Variants in PTPRC observed in about 807,000 individuals in gnomAD.
The protein encoded by PTPRC is protein tyrosine phosphatase receptor type C, also known as receptor-type tyrosine-protein phosphatase C.
Under a neutral mutation model 155.9 loss-of-function variants are expected in PTPRC, and 44 were observed. The ratio of observed to expected loss-of-function variants is 0.28; its 90% confidence interval spans 0.22 to 0.36. PTPRC has a LOEUF of 0.36. Among genes scored for constraint, PTPRC ranks in the 10% least tolerant of loss-of-function variants. The pLI is 1.00. For missense variants in PTPRC, 1,401 were observed against 1,564.6 expected, an observed-to-expected ratio of 0.90 and a Z score of 1.76; for synonymous variants, 525 against 533.1, an observed-to-expected ratio of 0.98 and a Z score of 0.21.
chr1:198,693,363 T>C (rs1666029594), intron 3 of PTPRC, among the ~76,000 whole-genome samples: 1 of 152,224 alleles, frequency 6.6e-6, no homozygotes, highest in African/African-American at 2.4e-5. Flanking sequence ...TCTTGCATAG[T>C]AGATTGTGAT....
intron 2 of PTPRC, among the ~76,000 whole-genome samples, chr1:198,680,452 GAA>G (rs71648398): frequency 0.18 from 22,244 of 121,884 alleles, 1,992 homozygotes; most frequent in African/African-American, 0.3. Context: ...AACTCTCTCA[GAA>G]AAAAAAAAAA....
upstream of PTPRC, chr1:198,638,824 TA>T (rs3215823): frequency 6.8e-3 from 1,067 of 157,118 alleles, 11 homozygotes; most frequent in African/African-American, 0.024. Flanking sequence ...GGATTTAATT[TA>T]AAAAAAATGG....
chr1:198,726,389 T>G (rs1366600559), intron 15 of PTPRC, among the ~76,000 whole-genome samples: 2 of 152,218 alleles, frequency 1.3e-5, no homozygotes, highest in Non-Finnish European at 2.9e-5. Context: ...AAATGTTCAC[T>G]GCAATCCACC....
At chr1:198,710,058 T>C (rs1653213370) in intron 11 of PTPRC, among the ~76,000 whole-genome samples, 1 of 152,216 alleles carries the variant, frequency 6.6e-6, no homozygotes, top group South Asian at 2.1e-4. Context: ...TATGTTTTGT[T>C]CTAAAAATTT....
At chr1:198,737,841 A>G (rs1654719484) in intron 23 of PTPRC, among the ~76,000 whole-genome samples, 2 of 151,622 alleles carry the variant, frequency 1.3e-5, no homozygotes, top group African/African-American at 2.4e-5. Flanking sequence ...TCTTGCATCA[A>G]TGTTTCATAG....
chr1:198,731,502 G>A, intron 17 of PTPRC, 115 bp from the exon 18 acceptor site: 1 of 759,658 alleles, frequency 1.3e-6, no homozygotes, highest in Non-Finnish European at 2.3e-6. Flanking sequence ...CAGATGAAAT[G>A]TGTACGAGGA....
intron 2 of PTPRC, among the ~76,000 whole-genome samples, chr1:198,675,178 AT>A (rs1325110173): frequency 3.7e-4 from 57 of 152,182 alleles, no homozygotes; most frequent in Non-Finnish European, 5.0e-4. Context: ...AAAGAAAAAA[AT>A]GACTCTATTT....
chr1:198,746,297 C>A (rs1415082330), intron 26 of PTPRC, among the ~76,000 whole-genome samples: 1 of 151,660 alleles, frequency 6.6e-6, no homozygotes, highest in Non-Finnish European at 1.5e-5. Flanking sequence ...GATTTGAAAG[C>A]AAATGAGTAG....
intron 2 of PTPRC, among the ~76,000 whole-genome samples, chr1:198,688,034 T>G (rs953800045): frequency 2.0e-5 from 3 of 152,034 alleles, no homozygotes; most frequent in Non-Finnish European, 4.4e-5. Flanking sequence ...ACAGTGATGC[T>G]GAAGTCTTGG....
At chr1:198,639,431 G>A in intron 2 of PTPRC, 90 bp downstream of exon 2, 1 of 1,070,104 alleles carries the variant, frequency 9.3e-7, no homozygotes, top group South Asian at 1.4e-5. Flanking sequence ...TAAATGTGTT[G>A]GTAACTGGAA....
At chr1:198,710,878 G>A (rs770173239) in intron 11 of PTPRC, among the ~76,000 whole-genome samples, 5 of 152,204 alleles carry the variant, frequency 3.3e-5, no homozygotes, top group East Asian at 3.9e-4. Flanking sequence ...ATTTTGAGAC[G>A]GAGTCTCGCT....
At chr1:198,730,689 A>T (rs1439419148) in intron 17 of PTPRC, among the ~76,000 whole-genome samples, 1 of 152,120 alleles carries the variant, frequency 6.6e-6, no homozygotes, top group Non-Finnish European at 1.5e-5. Flanking sequence ...ACGCAGTAGA[A>T]TTTACTCACT....
chr1:198,645,918 G>A (rs1360674839), intron 2 of PTPRC, among the ~76,000 whole-genome samples: 1 of 151,662 alleles, frequency 6.6e-6, no homozygotes, highest in African/African-American at 2.4e-5. Context: ...AATCCTTACT[G>A]TGTCCATACC....
At position 198,703,329 on chromosome 1, in the gene PTPRC, T is replaced by C. The variant is rs558386235; in HGVS notation, c.615T>C (p.Thr205=). 1.2e-6 allele frequency: 2 copies of C among 1,613,208 alleles called. No individual in the cohort carries two copies. The highest frequency in any genetic ancestry group is 2.7e-5 in the African/African-American group (2 of 74,918). ...DAYLNASETT[T]LSPSGSAVIS... is the part of the protein sequence containing the mutation. ...ACCTTAATGCCTCTGAAACAACCAC[T>C]CTGAGCCCTTCTGGAAGCGCTGTCA... The change falls in exon 7 of 33, where the codon ACT becomes ACC. Residue 205 remains threonine, a synonymous_variant. Transcript: ENST00000442510.
At chr1:198,709,879 T>C in intron 11 of PTPRC, 55 bp downstream of exon 11, 1 of 1,586,180 alleles carries the variant, frequency 6.3e-7, no homozygotes. Flanking sequence ...CATGTTCTTA[T>C]AATTATTTGA....
At position 198,703,286 on chromosome 1, in the gene PTPRC, AT is replaced by A; in HGVS notation, c.584-8del. 6.2e-7 allele frequency: 1 copy of A among 1,612,582 alleles called. No homozygotes were observed. The highest frequency in any genetic ancestry group is 1.1e-5 in the South Asian group (1 of 91,082). On this transcript the variant is annotated splice_polypyrimidine_tract_variant and intron_variant, in intron 6 of 32. Coordinates refer to ENST00000442510, the MANE Select transcript of PTPRC (RefSeq NM_002838.5). The stretch of plus-strand genomic sequence containing the variant: ...TTAATTAGCTTTTATTCTTCTATTC[AT>A]TTTCTTGCAGATGCCTACCTTAATG...
chr1:198,732,136 T>A (rs1430291355), intron 18 of PTPRC, among the ~76,000 whole-genome samples, 164 bp from the exon 19 acceptor site: 5 of 151,854 alleles, frequency 3.3e-5, no homozygotes, highest in African/African-American at 4.8e-5. Flanking sequence ...GTTTTTTTTT[T>A]AACATAATTC....
chr1:198,734,767 T>C (rs979173225), intron 22 of PTPRC, among the ~76,000 whole-genome samples: 2 of 151,738 alleles, frequency 1.3e-5, no homozygotes, highest in Admixed American at 1.3e-4. Flanking sequence ...CTTGGGCAGA[T>C]AGGTGGTGAG....
At chr1:198,692,210 G>A (rs1013884173) in intron 2 of PTPRC, 137 bp from the exon 3 acceptor site, 1 of 531,650 alleles carries the variant, frequency 1.9e-6, no homozygotes, top group Non-Finnish European at 3.2e-6. Context: ...GTTTCATTAG[G>A]GTAAAAGCTA....
Sources: gnomAD v4.1 joint callset for allele counts (sites outside exome capture counted in the v4.1 genomes callset) on GRCh38, gnomAD v4.1.1 for gene constraint, MANE v1.5 for transcripts, NCBI Gene and HGNC (gene_info 2026-07-23, HGNC 2026-07-21) for gene names.